Variants in NTNG1 observed in about 807,000 individuals in gnomAD.
NTNG1 encodes netrin G1.
A neutral mutation model predicts 54.0 loss-of-function variants in NTNG1; 16 were observed. The observed-to-expected ratio is 0.30, with a 90% confidence interval of 0.20 to 0.45. The LOEUF is 0.45. NTNG1 is among the 20% of genes least tolerant of loss of function. The pLI, the probability that NTNG1 is intolerant of heterozygous loss-of-function variation, is 1.00. For synonymous variants in NTNG1, 255 were observed against 263.1 expected (o/e 0.97, Z 0.30); for missense variants, 530 against 678.7 (o/e 0.78, Z 2.43).
At position 107,324,307 on chromosome 1, in the gene NTNG1, A is replaced by T; in HGVS notation, c.272A>T (p.Glu91Val). The T allele has an allele frequency of 1.2e-6, 2 of 1,613,478 alleles. No individual in the cohort carries two copies. Among genetic ancestry groups the T allele is most frequent in the Non-Finnish European group, 8.5e-7 (1 of 1,179,654 alleles). Residue 91 changes from glutamate to valine, a missense_variant, in exon 3 of 8, where the codon GAG (glutamate) becomes GTG (valine). Around this residue, in one of 2 missense-constraint regions of NTNG1, gnomAD observed 318 missense variants for 465.1 expected, o/e 0.68. Coordinates refer to ENST00000370068, the MANE Select transcript of NTNG1 (RefSeq NM_001113226.3). ...GGCAATCCCTACATGTGCAATAATG[A>T]GTGTGATGCGAGTACCCCTGAGCTG... ...AMGNPYMCNNECDASTPELAH... is the reference protein window; with the variant it reads ...AMGNPYMCNNVCDASTPELAH...
chr1:107,279,690 A>G (rs1401372167), intron 2 of NTNG1, among the ~76,000 whole-genome samples: 1 of 152,196 alleles, frequency 6.6e-6, no homozygotes, highest in East Asian at 1.9e-4. Flanking sequence ...AAAGTCTTTT[A>G]CCTTCATTCT....
chr1:107,170,807 T>C lies in NTNG1; in HGVS notation c.246+21968T>C, dbSNP rs573478531. ...AATTTATTAAGTTACCATTGCTGAC[T>C]CCATAATCAAATATAGGCAGTCATT... is the stretch of plus-strand genomic sequence containing the variant. On this transcript the variant is annotated intron_variant, in intron 2 of 7. Coordinates refer to ENST00000370068, the MANE Select transcript of NTNG1 (RefSeq NM_001113226.3). 3.9e-5 allele frequency among the ~76,000 whole-genome samples: 6 copies of C among 152,248 alleles called. No homozygotes were observed. In the South Asian group the frequency reaches 1.2e-3, roughly 32 times the overall value.
chr1:107,375,926 A>G (rs1247844196), intron 3 of NTNG1, among the ~76,000 whole-genome samples: 2 of 152,086 alleles, frequency 1.3e-5, no homozygotes, highest in East Asian at 1.9e-4. Flanking sequence ...CCTCTTCCTC[A>G]TTTTGGAGAA....
At chr1:107,223,075 T>C (rs1261901062) in intron 2 of NTNG1, among the ~76,000 whole-genome samples, 1 of 152,124 alleles carries the variant, frequency 6.6e-6, no homozygotes, top group African/African-American at 2.4e-5. Flanking sequence ...TTTATCTCTA[T>C]AGATTCTGAT....
Position 107,361,250 on chromosome 1 carries a change from T to C in NTNG1, c.888-33904T>C, listed in dbSNP as rs919598620. On this transcript the variant is annotated intron_variant, in intron 3 of 7. Transcript: ENST00000370068. The stretch of plus-strand genomic sequence containing the variant: ...TAAAATAAACATATAAATTATTATA[T>C]AAAATATATGTTATGTAAGAACTAT... 9.5e-4 allele frequency among the ~76,000 whole-genome samples: 132 copies of C among 138,390 alleles called. 1 individual carries two copies. The highest frequency in any genetic ancestry group is 3.4e-3 in the African/African-American group (127 of 37,812). 90.8% of individuals were successfully genotyped at this position (138,390 alleles called of 152,430 possible).
chr1:107,294,154 G>A (rs1454782110), intron 2 of NTNG1, among the ~76,000 whole-genome samples: 2 of 152,308 alleles, frequency 1.3e-5, no homozygotes, highest in East Asian at 1.9e-4. Flanking sequence ...TTCTTCAGTC[G>A]TGGTGTGTAT....
chr1:107,150,082 C>A (rs1358263935), intron 2 of NTNG1, among the ~76,000 whole-genome samples: 1 of 152,000 alleles, frequency 6.6e-6, no homozygotes, highest in Non-Finnish European at 1.5e-5. Context: ...TTCAGAAGTG[C>A]CTTTGGGGAC....
At chr1:107,347,719 TCA>T (rs1669336244) in intron 3 of NTNG1, among the ~76,000 whole-genome samples, 2 of 152,170 alleles carry the variant, frequency 1.3e-5, no homozygotes, top group Admixed American at 6.5e-5. Flanking sequence ...TTTAATCGAC[TCA>T]CAGTTCTGCA....
At chr1:107,294,096 A>G (rs1665793473) in intron 2 of NTNG1, among the ~76,000 whole-genome samples, 1 of 152,208 alleles carries the variant, frequency 6.6e-6, no homozygotes, top group Non-Finnish European at 1.5e-5. Flanking sequence ...CATAGCAAGT[A>G]GGCAGCATCC....
At chr1:107,193,949 G>A (rs1212643705) in intron 2 of NTNG1, among the ~76,000 whole-genome samples, 1 of 151,762 alleles carries the variant, frequency 6.6e-6, no homozygotes, top group Non-Finnish European at 1.5e-5. Context: ...ATCAAATCCA[G>A]ACTCCTTAAC....
intron 7 of NTNG1, among the ~76,000 whole-genome samples, chr1:107,469,976 G>A (rs1160151884): frequency 6.6e-6 from 1 of 152,040 alleles, no homozygotes; most frequent in Non-Finnish European, 1.5e-5. Flanking sequence ...ATGTAAAAAT[G>A]TCCACTCATT....
intron 2 of NTNG1, among the ~76,000 whole-genome samples, chr1:107,219,468 C>A (rs1660198286): frequency 6.6e-6 from 1 of 152,158 alleles, no homozygotes; most frequent in Non-Finnish European, 1.5e-5. Flanking sequence ...CTAGTGTGAT[C>A]TTTTGTGGGT....
chr1:107,328,066 C>T (rs79010769), intron 3 of NTNG1, among the ~76,000 whole-genome samples: 2 of 152,088 alleles, frequency 1.3e-5, no homozygotes, highest in African/African-American at 2.4e-5. Context: ...CTTCTTTTGC[C>T]ACATACTTAT....
intron 6 of NTNG1, among the ~76,000 whole-genome samples, chr1:107,432,369 A>G (rs1675325838): frequency 6.6e-6 from 1 of 152,208 alleles, no homozygotes. Flanking sequence ...CCCAAATCTT[A>G]CAGCAAAGGG....
Position 107,400,319 on chromosome 1 carries a change from C to T in NTNG1, c.1060+4993C>T, listed in dbSNP as rs902378317. Among the ~76,000 whole-genome samples the T allele has an allele frequency of 2.0e-5, 3 of 151,842 alleles. No homozygotes were observed. In the East Asian group the frequency reaches 5.8e-4, roughly 30 times the overall value. ...ATTGATAATGTGTGTAGATTTACAA[C>T]TGGTCAACTATCTTTAGCCAAAATT... is the stretch of plus-strand genomic sequence containing the variant. On this transcript the variant is annotated intron_variant, in intron 4 of 7. Coordinates refer to ENST00000370068, the MANE Select transcript of NTNG1 (RefSeq NM_001113226.3).
chr1:107,391,649 T>C (rs1042500637), intron 3 of NTNG1, among the ~76,000 whole-genome samples: 1 of 151,990 alleles, frequency 6.6e-6, no homozygotes, highest in Non-Finnish European at 1.5e-5. Context: ...CTTCCACTCA[T>C]GGTGGAAGGC....
At position 107,280,173 on chromosome 1, in the gene NTNG1, T is replaced by TTC. The variant is rs1553216345; in HGVS notation, c.247-44109_247-44108insTC. ...GGTGCTAACCTTTTTTTTTTTTTTT[T>TTC]CCCTCACTGTTTTGGTTATTCTATA... On this transcript the variant is annotated intron_variant, in intron 2 of 7. Coordinates refer to ENST00000370068, the MANE Select transcript of NTNG1 (RefSeq NM_001113226.3). Among the ~76,000 whole-genome samples, 312 of 149,026 alleles carry TTC rather than the reference T, an allele frequency of 2.1e-3. 3 individuals are homozygous for TTC. The highest frequency in any genetic ancestry group is 3.6e-3 in the Non-Finnish European group (242 of 67,232).
intron 2 of NTNG1, among the ~76,000 whole-genome samples, chr1:107,252,281 T>G (rs970444031): frequency 6.6e-6 from 1 of 152,240 alleles, no homozygotes; most frequent in Non-Finnish European, 1.5e-5. Context: ...TAAAGCCATT[T>G]GCTGATTTGC....
chr1:107,172,197 CTCAGAGAGCTCAAAGGGTGTTG>C lies in NTNG1; in HGVS notation c.246+23361_246+23382del, dbSNP rs1014864380. Among the ~76,000 whole-genome samples the C allele has an allele frequency of 2.7e-4, 41 of 152,238 alleles. 1 individual carries two copies. The Middle Eastern group carries it at 0.014, about 51-fold the overall frequency. ...CTCGAAACACTTGAGAACACTGAGA[CTCAGAGAGCTCAAAGGGTGTTG>C]TCTATCACGACAAAGCTAATGAAGG... On this transcript the variant is annotated intron_variant, in intron 2 of 7. Transcript: ENST00000370068.
Sources: gnomAD v4.1 joint callset for allele counts (sites outside exome capture counted in the v4.1 genomes callset) on GRCh38, gnomAD v4.1.1 for gene constraint, gnomAD v4.1.1 regional missense constraint, MANE v1.5 for transcripts, NCBI Gene and HGNC (gene_info 2026-07-23, HGNC 2026-07-21) for gene names.